The following CCNL2 variants were observed in gnomAD, a reference collection of about 807,000 sequenced individuals.
The protein encoded by CCNL2 is cyclin-L2.
A neutral mutation model predicts 59.1 loss-of-function variants in CCNL2; 28 were observed. That is an observed-to-expected ratio of 0.47 (90% CI 0.35 to 0.65). The LOEUF (loss-of-function observed/expected upper bound fraction) is 0.65, where lower values mean the gene tolerates loss of function less well. Ranked by LOEUF, CCNL2 falls within the 30% of genes least tolerant of loss-of-function variation. The pLI is 0.00. For missense variants in CCNL2, 714 were observed against 717.4 expected (o/e 1.00, Z 0.05); for synonymous variants, 342 against 288.6 (o/e 1.19, Z -1.88).
rs547237679 is a variant in CCNL2, at chr1:1,399,290, G to A, written c.17C>T (p.Ala6Val). 62 of 1,450,186 alleles carry A rather than the reference G, an allele frequency of 4.3e-5. 1 individual carries two copies. In the Middle Eastern group the frequency reaches 6.3e-4, roughly 15 times the overall value. 89.8% of individuals were successfully genotyped at this position (1,450,186 alleles called of 1,614,324 possible). ...TGCCGACCCTGCAGCACCAGCCGCC[G>A]CCGCCGCCGCCGCCATTTTGTGCCG... MAAAA[A>V]AAGAAGSAAP... is the part of the protein sequence containing the mutation. Residue 6 changes from alanine to valine, a missense_variant, in exon 1 of 11, where the codon GCG becomes GTG. By Grantham distance (64) the Ala-to-Val change is moderately conservative. This residue lies in a region of CCNL2 where 270 missense variants were observed against 254.9 expected (regional missense o/e 1.06). Coordinates refer to ENST00000400809, the MANE Select transcript of CCNL2 (RefSeq NM_030937.6).
intron 8 of CCNL2, chr1:1,388,619 A>T (rs781418095): frequency 2.4e-6 from 1 of 414,350 alleles, no homozygotes; most frequent in South Asian, 1.8e-5. Context: ...ACTCACACAC[A>T]AATTACCTGA....
chr1:1,395,173 C>A, intron 4 of CCNL2: 1 of 472,734 alleles, frequency 2.1e-6, no homozygotes. Flanking sequence ...TAAATAATAC[C>A]ATTTCCAAAA....
rs112675079 is a variant in CCNL2, at chr1:1,387,780, C to A, written c.1208G>T (p.Arg403Met). The A allele has an allele frequency of 6.2e-7, 1 of 1,611,398 alleles. No individual in the cohort carries two copies. ...RSPSRSASPK[R>M]RKSDSGSTSG... ...GGGTGCGCCCTGAGGCACACACCTC[C>A]TCTTAGGAGACGCTGATCGGGATGG... The change falls in exon 10 of 11, where the codon AGG becomes ATG. Residue 403 changes from arginine to methionine, a missense_variant. By Grantham distance (91) the Arg-to-Met change is moderately conservative. This residue lies in a region of CCNL2 where 403 missense variants were observed against 377.7 expected (regional missense o/e 1.07). Coordinates refer to ENST00000400809, the MANE Select transcript of CCNL2 (RefSeq NM_030937.6).
At position 1,399,310 on chromosome 1, in the gene CCNL2, G is replaced by A; in HGVS notation, c.-4C>T. 8 of 1,444,734 alleles carry A rather than the reference G, an allele frequency of 5.5e-6. No individual in the cohort carries two copies. Among genetic ancestry groups the A allele is most frequent in the Non-Finnish European group, 7.2e-6 (8 of 1,107,084 alleles). 89.5% of individuals were successfully genotyped at this position (1,444,734 alleles called of 1,614,324 possible). A position where few individuals can be genotyped will look rare whatever the true frequency, so the allele number is the denominator to read the frequency against. On this transcript the variant is annotated 5_prime_UTR_variant, in exon 1 of 11. Coordinates refer to ENST00000400809, the MANE Select transcript of CCNL2 (RefSeq NM_030937.6). ...CCGCCGCCGCCGCCGCCGCCATTTTGTGCCGCCGACTCCCCTTCGGCTTCT... is the reference window on the plus strand; with the variant it reads ...CCGCCGCCGCCGCCGCCGCCATTTTATGCCGCCGACTCCCCTTCGGCTTCT...
rs910864969 is a variant in CCNL2, at chr1:1,399,004, C to A, written c.288+15G>T. Reference sequence around the variant, plus strand: ...AGCGGTTACCTGGGCCGGAGGCTCGCGGCCGCGCCCTCACCTGCGGCAGGC... The same window carrying A: ...AGCGGTTACCTGGGCCGGAGGCTCGAGGCCGCGCCCTCACCTGCGGCAGGC... On this transcript the variant is annotated intron_variant, in intron 1 of 10. Transcript: ENST00000400809. 5.1e-6 allele frequency: 8 copies of A among 1,581,892 alleles called. No individual in the cohort carries two copies. Among genetic ancestry groups the A allele is most frequent in the African/African-American group, 1.4e-5 (1 of 72,198 alleles).
chr1:1,396,874 A>T (rs1263837410), intron 3 of CCNL2, among the ~76,000 whole-genome samples: 1 of 151,122 alleles, frequency 6.6e-6, no homozygotes, highest in Non-Finnish European at 1.5e-5. Context: ...TCAGCCTCCC[A>T]AGTAGCTGGG....
chr1:1,387,359 T>G lies in CCNL2; in HGVS notation c.1435A>C (p.Asn479His). ...SRSRSRERAD[N>H]PGKYKKKSHY... ...CTTTTCTTCTTGTATTTTCCCGGAT[T>G]ATCCGCCCGCTCCCGTGACCTGCTT... is the stretch of plus-strand genomic sequence containing the variant. Residue 479 changes from asparagine (N) to histidine (H), a missense_variant, in exon 11 of 11, where the codon AAT (asparagine) becomes CAT (histidine). Coordinates refer to ENST00000400809, the MANE Select transcript of CCNL2 (RefSeq NM_030937.6). 6.2e-7 allele frequency: 1 copy of G among 1,614,176 alleles called. No individual in the cohort carries two copies. Among genetic ancestry groups the G allele is most frequent in the Admixed American group, 1.7e-5 (1 of 60,024 alleles).
chr1:1,399,269 G>A lies in CCNL2; in HGVS notation c.38C>T (p.Ser13Leu). 1.3e-6 allele frequency: 2 copies of A among 1,565,010 alleles called. No homozygotes were observed. The highest frequency in any genetic ancestry group is 8.6e-7 in the Non-Finnish European group (1 of 1,159,574). Reference sequence around the variant, plus strand: ...GCCGGCCGCTGCCGCGGGAGCTGCCGACCCTGCAGCACCAGCCGCCGCCGC... The same window carrying A: ...GCCGGCCGCTGCCGCGGGAGCTGCCAACCCTGCAGCACCAGCCGCCGCCGC... Reference protein sequence around the residue: ...AAAAAAGAAGSAAPAAAAGAP... With the variant: ...AAAAAAGAAGLAAPAAAAGAP... Residue 13 changes from serine to leucine, a missense_variant, in exon 1 of 11, where the codon TCG becomes TTG. Transcript: ENST00000400809.
chr1:1,397,792 G>A (rs1645123746), intron 3 of CCNL2, among the ~76,000 whole-genome samples: 1 of 152,178 alleles, frequency 6.6e-6, no homozygotes, highest in Non-Finnish European at 1.5e-5. Context: ...TTGAGCCTAG[G>A]AGGTTGAGGC....
chr1:1,396,996 C>T (rs911371431), intron 3 of CCNL2, among the ~76,000 whole-genome samples: 8 of 152,184 alleles, frequency 5.3e-5, no homozygotes, highest in African/African-American at 1.9e-4. Context: ...ATCCACCCGC[C>T]TCGGCCTCCC....
At chr1:1,396,298 ACT>A in intron 3 of CCNL2, among the ~76,000 whole-genome samples, 1 of 149,966 alleles carries the variant, frequency 6.7e-6, no homozygotes, top group Admixed American at 6.7e-5. Flanking sequence ...ATGGAGTCTC[ACT>A]CTGTTGCCCA....
chr1:1,396,562 G>A (rs539963690), intron 3 of CCNL2, among the ~76,000 whole-genome samples: 118 of 144,610 alleles, frequency 8.2e-4, no homozygotes, highest in African/African-American at 2.2e-3. Context: ...CACTGCGCTC[G>A]GCAAGGCTGT....
In CCNL2 at chr1:1,393,070, G is replaced by T; in HGVS notation, c.659+326C>A. ...GTCAGTGGAGAAACAGACCAAGTCT[G>T]CACTAGCCTGTCCCTCCACCCTCCC... On this transcript the variant is annotated intron_variant, in intron 5 of 10. Coordinates refer to ENST00000400809, the MANE Select transcript of CCNL2 (RefSeq NM_030937.6). The T allele has an allele frequency of 5.1e-6, 3 of 593,794 alleles. No individual in the cohort carries two copies. In the East Asian group the frequency reaches 8.4e-5, roughly 17 times the overall value. 36.8% of individuals were successfully genotyped at this position (593,794 alleles called of 1,614,324 possible).
intron 4 of CCNL2, 158 bp downstream of exon 4, chr1:1,395,227 ACGAATACGT>A (rs1644953580): frequency 1.6e-6 from 1 of 607,720 alleles, no homozygotes; most frequent in Admixed American, 3.2e-5. Context: ...ACACTAGAAG[ACGAATACGT>A]CAGGAACTAT....
chr1:1,391,439 C>T, intron 5 of CCNL2: 3 of 1,228,000 alleles, frequency 2.4e-6, no homozygotes, highest in Non-Finnish European at 3.1e-6. Context: ...AAGGAGTCCA[C>T]TTGGAAGAGG....
chr1:1,395,558 G>A (rs1326045913), intron 3 of CCNL2, 44 bp from the exon 4 acceptor site: 2 of 1,609,274 alleles, frequency 1.2e-6, no homozygotes, highest in South Asian at 2.2e-5. Flanking sequence ...GTCAAGCAGA[G>A]CAAGGCTTCT....
intron 3 of CCNL2, among the ~76,000 whole-genome samples, chr1:1,397,276 G>A (rs1462885806): frequency 1.3e-5 from 2 of 152,078 alleles, no homozygotes; most frequent in African/African-American, 2.4e-5. Flanking sequence ...CTATTCCAGG[G>A]CCATGAAGCA....
chr1:1,388,248 C>G, intron 8 of CCNL2, 183 bp from the exon 9 acceptor site: 1 of 595,804 alleles, frequency 1.7e-6, no homozygotes, highest in Non-Finnish European at 3.0e-6. Context: ...TGGGGCTGGA[C>G]GCGGGGGCTC....
Position 1,393,398 on chromosome 1 carries a change from T to G in CCNL2, c.657A>C (p.Ser219=). 6.2e-7 allele frequency: 1 copy of G among 1,613,774 alleles called. No homozygotes were observed. The highest frequency in any genetic ancestry group is 1.1e-5 in the South Asian group (1 of 91,060). ...CERNQHLVQT[S]WNYMNDSLRT... Reference sequence around the variant, plus strand: ...TAAAACAAGGAAGCTCAACTCACCATGAGGTCTGGACCAGGTGTTGGTTAC... The same window carrying G: ...TAAAACAAGGAAGCTCAACTCACCAGGAGGTCTGGACCAGGTGTTGGTTAC... Residue 219 remains serine (S), a splice_region_variant and synonymous_variant, in exon 5 of 11, where the codon TCA becomes TCC. Coordinates refer to ENST00000400809, the MANE Select transcript of CCNL2 (RefSeq NM_030937.6).
Sources: gnomAD v4.1 joint callset for allele counts (sites outside exome capture counted in the v4.1 genomes callset) on GRCh38, gnomAD v4.1.1 for gene constraint, gnomAD v4.1.1 regional missense constraint, MANE v1.5 for transcripts, NCBI Gene and HGNC (gene_info 2026-07-23, HGNC 2026-07-21) for gene names.